The following ZNF354C variants were observed in gnomAD, a reference collection of about 807,000 sequenced individuals.
ZNF354C encodes the protein KRAB-zinc finger protein synten.
ZNF354C carries 7 observed loss-of-function variants against 12.4 expected under a neutral mutation model. That is an observed-to-expected ratio of 0.56 (90% CI 0.32 to 1.06). The LOEUF (loss-of-function observed/expected upper bound fraction) is 1.06, where lower values mean the gene tolerates loss of function less well. Among genes scored for constraint, ZNF354C ranks in the 50% least tolerant of loss-of-function variants. ZNF354C has a pLI of 0.04. For synonymous variants in ZNF354C, 202 were observed against 224.5 expected, an observed-to-expected ratio of 0.90 and a Z score of 0.90; for missense variants, 609 against 658.0, an observed-to-expected ratio of 0.93 and a Z score of 0.81.
Position 179,079,799 on chromosome 5 carries a change from A to C in ZNF354C, c.1367A>C (p.Tyr456Ser). The change falls in exon 5 of 5, where the codon TAT becomes TCT. Residue 456 changes from tyrosine (Y) to serine (S), a missense_variant. Physicochemically the swap from Tyr to Ser is moderately radical, Grantham distance 144 (BLOSUM62 -2). Coordinates refer to ENST00000315475, the MANE Select transcript of ZNF354C (RefSeq NM_014594.3). The surrounding 1 kb of genome is among the most constrained non-coding windows in gnomAD (Gnocchi z 4.2). ...GCCTTTGGTTGCAAATCTAACCTTTATAGGCATCAGAGAATTCATACTGGA... is the reference window on the plus strand; with the variant it reads ...GCCTTTGGTTGCAAATCTAACCTTTCTAGGCATCAGAGAATTCATACTGGA... ...GKAFGCKSNL[Y>S]RHQRIHTGEK... is the part of the protein sequence containing the mutation. 1 of 1,613,252 alleles carries C rather than the reference A, an allele frequency of 6.2e-7. No homozygotes were observed. Among genetic ancestry groups the C allele is most frequent in the Non-Finnish European group, 8.5e-7 (1 of 1,179,768 alleles).
Position 179,079,339 on chromosome 5 carries a change from A to G in ZNF354C, c.907A>G (p.Arg303Gly), listed in dbSNP as rs769481530. ...VHTGEKPYRC[R>G]ECGKAFSQCS... ...TACTGGAGAGAAACCGTATCGATGT[A>G]GGGAATGTGGTAAAGCCTTTAGCCA... The change falls in exon 5 of 5, where the codon AGG becomes GGG. Residue 303 changes from arginine to glycine, a missense_variant. Transcript: ENST00000315475. The surrounding 1 kb of genome is among the most constrained non-coding windows in gnomAD (Gnocchi z 4.2). 2 of 1,614,188 alleles carry G rather than the reference A, an allele frequency of 1.2e-6. No individual in the cohort carries two copies. The highest frequency in any genetic ancestry group is 2.2e-5 in the East Asian group (1 of 44,876).
chr5:179,061,253 G>T (rs1761887501), intron 1 of ZNF354C, among the ~76,000 whole-genome samples: 1 of 152,158 alleles, frequency 6.6e-6, no homozygotes, highest in Non-Finnish European at 1.5e-5. Flanking sequence ...ACACTTGCCC[G>T]GCTGCCCCAG....
In ZNF354C at chr5:179,076,490, G is replaced by A. The variant is rs944594885; in HGVS notation, c.73G>A (p.Glu25Lys). 20 of 1,614,088 alleles carry A rather than the reference G, an allele frequency of 1.2e-5. No individual in the cohort carries two copies. The highest frequency in any genetic ancestry group is 1.5e-5 in the Non-Finnish European group (18 of 1,180,052). Residue 25 changes from glutamate (E) to lysine (K), a missense_variant, in exon 3 of 5, where the codon GAG (glutamate) becomes AAG (lysine). Glu to Lys is a moderately conservative substitution (Grantham distance 56). Coordinates refer to ENST00000315475, the MANE Select transcript of ZNF354C (RefSeq NM_014594.3). ...RDVAVFFSQD[E>K]WLHLDSAQRA... ...TGTGGCCGTGTTCTTCAGCCAGGACGAGTGGTTGCACCTGGACTCTGCCCA... is the reference window on the plus strand; with the variant it reads ...TGTGGCCGTGTTCTTCAGCCAGGACAAGTGGTTGCACCTGGACTCTGCCCA...
At position 179,082,120 on chromosome 5, in the gene ZNF354C, TA is replaced by T. The variant is rs1395542742; in HGVS notation, c.*2027del. The T allele has an allele frequency of 6.6e-6, 1 of 152,382 alleles. No homozygotes were observed. The highest frequency in any genetic ancestry group is 1.5e-5 in the Non-Finnish European group (1 of 68,170). The allele number at this position is 152,382 out of a possible 1,614,324, so 9.4% of individuals were successfully genotyped here. A position where few individuals can be genotyped will look rare whatever the true frequency, so the allele number is the denominator to read the frequency against. On this transcript the variant is annotated 3_prime_UTR_variant, in exon 5 of 5. Coordinates refer to ENST00000315475, the MANE Select transcript of ZNF354C (RefSeq NM_014594.3). ...AATTAAATCTGGCAAAAATCGATGG[TA>T]AAACCCATTAAGTGGAAAAAATTTT...
chr5:179,069,405 A>T (rs1334895575), intron 2 of ZNF354C, among the ~76,000 whole-genome samples: 1 of 152,088 alleles, frequency 6.6e-6, no homozygotes, highest in East Asian at 1.9e-4. Context: ...TTTACCAAAA[A>T]TACAGAAAGT....
intron 2 of ZNF354C, among the ~76,000 whole-genome samples, chr5:179,072,808 T>A (rs1762067800): frequency 2.0e-5 from 3 of 152,314 alleles, no homozygotes; most frequent in South Asian, 4.1e-4. Flanking sequence ...AATATAAAAT[T>A]ATTGAGATAA....
chr5:179,073,121 T>C (rs1487016691), intron 2 of ZNF354C, among the ~76,000 whole-genome samples: 2 of 151,968 alleles, frequency 1.3e-5, no homozygotes, highest in Admixed American at 1.3e-4. Flanking sequence ...CAGGAAGCAA[T>C]AGAATGACAT....
At position 179,078,781 on chromosome 5, in the gene ZNF354C, G is replaced by T; in HGVS notation, c.349G>T (p.Asp117Tyr). 1.2e-6 allele frequency: 2 copies of T among 1,614,082 alleles called. No individual in the cohort carries two copies. Among genetic ancestry groups the T allele is most frequent in the Middle Eastern group, 1.7e-4 (1 of 6,060 alleles). ...QGMVKKESIK[D>Y]GHWDINFEEA... is the part of the protein sequence containing the mutation. Reference sequence around the variant, plus strand: ...AATGGTAAAGAAAGAATCCATTAAGGATGGTCACTGGGACATTAACTTTGA... The same window carrying T: ...AATGGTAAAGAAAGAATCCATTAAGTATGGTCACTGGGACATTAACTTTGA... Residue 117 changes from aspartate (D) to tyrosine (Y), a missense_variant, in exon 5 of 5, where the codon GAT becomes TAT. By Grantham distance (160) the Asp-to-Tyr change is radical. Coordinates refer to ENST00000315475, the MANE Select transcript of ZNF354C (RefSeq NM_014594.3).
intron 2 of ZNF354C, among the ~76,000 whole-genome samples, chr5:179,073,341 T>C (rs2113118214): frequency 6.6e-6 from 1 of 152,356 alleles, no homozygotes. Flanking sequence ...ACTCTGATTT[T>C]AGGAAGAATG....
At chr5:179,074,903 C>T (rs73806856) in intron 2 of ZNF354C, among the ~76,000 whole-genome samples, 41,758 of 151,986 alleles carry the variant, frequency 0.27, 5,987 homozygotes, top group South Asian at 0.38. Context: ...CAAAAATGTA[C>T]ATTATAATTA....
intron 2 of ZNF354C, among the ~76,000 whole-genome samples, chr5:179,070,261 C>CTTTT (rs1561749023): frequency 6.6e-6 from 1 of 152,144 alleles, no homozygotes; most frequent in Non-Finnish European, 1.5e-5. Flanking sequence ...ATCCTGAGAC[C>CTTTT]ATTCCCCCAA....
rs147377554 is a variant in ZNF354C, at chr5:179,078,986, G to A, written c.554G>A (p.Arg185Lys). The A allele has an allele frequency of 4.9e-5, 79 of 1,613,436 alleles. No individual in the cohort carries two copies. In the African/African-American group the frequency reaches 1.0e-3, roughly 21 times the overall value. The change falls in exon 5 of 5, where the codon AGG becomes AAG. Residue 185 changes from arginine to lysine, a missense_variant. Physicochemically the swap from Arg to Lys is conservative, Grantham distance 26 (BLOSUM62 2). Transcript: ENST00000315475. ...ACACAACAGAGTGTTCCTATAGAAAGGATACCCAATATGTATTATACATTT... is the reference window on the plus strand; with the variant it reads ...ACACAACAGAGTGTTCCTATAGAAAAGATACCCAATATGTATTATACATTT... The part of the protein sequence containing the change: ...LVTQQSVPIE[R>K]IPNMYYTFGK...
intron 2 of ZNF354C, among the ~76,000 whole-genome samples, chr5:179,063,243 T>C (rs965005782): frequency 6.6e-6 from 1 of 152,180 alleles, no homozygotes; most frequent in African/African-American, 2.4e-5. Context: ...TATACATACA[T>C]GACTGAGTTG....
At position 179,061,131 on chromosome 5, in the gene ZNF354C, C is replaced by A. The variant is rs137891488; in HGVS notation, c.-55+465C>A. On this transcript the variant is annotated intron_variant, in intron 1 of 4. Transcript: ENST00000315475. ...TAACCGAGGCCTTGTGTGGCAGCTTCCCCTGGGCTGGTCGAGGCACCCGCT... is the reference window on the plus strand; with the variant it reads ...TAACCGAGGCCTTGTGTGGCAGCTTACCCTGGGCTGGTCGAGGCACCCGCT... Among the ~76,000 whole-genome samples the A allele has an allele frequency of 5.9e-5, 9 of 152,378 alleles. No homozygotes were observed. In the East Asian group the frequency reaches 1.7e-3, roughly 29 times the overall value.
Position 179,083,049 on chromosome 5 carries a change from C to T in ZNF354C, c.*2952C>T. ...TTGCACACATTCCACTGGCCCTACGCAGGGGTGTGATGTTGTAAGCCATAG... is the reference window on the plus strand; with the variant it reads ...TTGCACACATTCCACTGGCCCTACGTAGGGGTGTGATGTTGTAAGCCATAG... On this transcript the variant is annotated 3_prime_UTR_variant, in exon 5 of 5. Transcript: ENST00000315475. 1.3e-6 allele frequency: 1 copy of T among 770,210 alleles called. No individual in the cohort carries two copies. The highest frequency in any genetic ancestry group is 1.7e-5 in the South Asian group (1 of 57,394). The allele number at this position is 770,210 out of a possible 1,614,324, so 47.7% of individuals were successfully genotyped here. A position where few individuals can be genotyped will look rare whatever the true frequency, so the allele number is the denominator to read the frequency against.
Position 179,079,673 on chromosome 5 carries a change from G to T in ZNF354C, c.1241G>T (p.Cys414Phe). The change falls in exon 5 of 5, where the codon TGC (cysteine) becomes TTC (phenylalanine). Residue 414 changes from cysteine (C) to phenylalanine (F), a missense_variant. Coordinates refer to ENST00000315475, the MANE Select transcript of ZNF354C (RefSeq NM_014594.3). This position sits in a 1 kb window ranked among gnomAD's most constrained non-coding sequence, Gnocchi z 4.2. ...CACACTGGACAAAAACCTTATCAGTGCAACGAATGTGAGAAAGCCTTCAAC... is the reference window on the plus strand; with the variant it reads ...CACACTGGACAAAAACCTTATCAGTTCAACGAATGTGAGAAAGCCTTCAAC... ...RIHTGQKPYQ[C>F]NECEKAFNQY... 6.2e-7 allele frequency: 1 copy of T among 1,614,164 alleles called. No individual in the cohort carries two copies. The highest frequency in any genetic ancestry group is 1.1e-5 in the South Asian group (1 of 91,086).
chr5:179,067,629 C>T (rs1761975548), intron 2 of ZNF354C, among the ~76,000 whole-genome samples: 1 of 152,160 alleles, frequency 6.6e-6, no homozygotes, highest in African/African-American at 2.4e-5. Flanking sequence ...GGCGGATCAC[C>T]CTGAGGTCAG....
In ZNF354C at chr5:179,079,134, T is replaced by G. The variant is rs1421976618; in HGVS notation, c.702T>G (p.His234Gln). Residue 234 changes from histidine to glutamine, a missense_variant, in exon 5 of 5, where the codon CAT (histidine) becomes CAG (glutamine). His to Gln is a conservative substitution (Grantham distance 24, BLOSUM62 0). Transcript: ENST00000315475. The surrounding 1 kb of genome is among the most constrained non-coding windows in gnomAD (Gnocchi z 4.2). ...AGCAGAATCTGCATCTTATTGAACA[T>G]CAGAGAATTCATACAGGTGAGAAAC... is the stretch of plus-strand genomic sequence containing the variant. ...SFKQNLHLIE[H>Q]QRIHTGEKPY... 4 of 1,613,726 alleles carry G rather than the reference T, an allele frequency of 2.5e-6. No individual in the cohort carries two copies. In the African/African-American group the frequency reaches 5.3e-5, roughly 22 times the overall value.
chr5:179,072,846 A>G (rs1762068696), intron 2 of ZNF354C, among the ~76,000 whole-genome samples: 1 of 152,212 alleles, frequency 6.6e-6, no homozygotes, highest in Non-Finnish European at 1.5e-5. Flanking sequence ...GTATGTATGT[A>G]TGTATATGTT....
Sources: allele counts gnomAD v4.1 joint callset (sites outside exome capture counted in the v4.1 genomes callset), GRCh38; gene constraint gnomAD v4.1.1; non-coding constraint Gnocchi (gnomAD v3.1); transcripts MANE v1.5; gene names NCBI Gene and HGNC (gene_info 2026-07-23, HGNC 2026-07-21).